The following SEPTIN9 variants were observed in gnomAD, a reference collection of about 807,000 sequenced individuals.
SEPTIN9 encodes the protein septin 9.
A neutral mutation model predicts 56.6 loss-of-function variants in SEPTIN9; 13 were observed. The observed-to-expected ratio is 0.23, with a 90% CI of 0.15 to 0.37. The LOEUF is 0.37. SEPTIN9 is among the 10% of genes least tolerant of loss of function. The pLI is 1.00. For synonymous variants in SEPTIN9, 332 were observed against 334.1 expected (o/e 0.99, Z 0.07); for missense variants, 650 against 823.1 (o/e 0.79, Z 2.57).
Position 77,429,496 on chromosome 17 carries a change from G to A in SEPTIN9, c.721+26793G>A, listed in dbSNP as rs1445272714. ...AGAATCAGAGAGGGCATCCAAAAAG[G>A]CCAACAGTTCGGTGGGGAGAGGAGG... On this transcript the variant is annotated intron_variant, in intron 3 of 11. Transcript: ENST00000427177. The surrounding 1 kb of genome is among the most constrained non-coding windows in gnomAD (Gnocchi z 5.2). The A allele has an allele frequency of 5.4e-6, 2 of 371,682 alleles. No individual in the cohort carries two copies. Among genetic ancestry groups the A allele is most frequent in the African/African-American group, 2.1e-5 (1 of 46,736 alleles). 23.0% of individuals were successfully genotyped at this position (371,682 alleles called of 1,614,324 possible). A position where few individuals can be genotyped will look rare whatever the true frequency, so the allele number is the denominator to read the frequency against.
At chr17:77,297,065 A>G (rs1209499123) in intron 1 of SEPTIN9, among the ~76,000 whole-genome samples, 3 of 152,176 alleles carry the variant, frequency 2.0e-5, no homozygotes, top group Admixed American at 2.0e-4. Context: ...AAGATAGATG[A>G]TAGATAGATA....
chr17:77,383,961 A>C (rs2035238484), intron 2 of SEPTIN9, among the ~76,000 whole-genome samples: 1 of 152,236 alleles, frequency 6.6e-6, no homozygotes, highest in Non-Finnish European at 1.5e-5. Flanking sequence ...TGACTATTGC[A>C]GAATGAACAC....
chr17:77,487,322 C>A lies in SEPTIN9; in HGVS notation c.914-102C>A. On this transcript the variant is annotated intron_variant, in intron 4 of 11. Coordinates refer to ENST00000427177, the MANE Select transcript of SEPTIN9 (RefSeq NM_001113491.2). The surrounding 1 kb of genome is among the most constrained non-coding windows in gnomAD (Gnocchi z 4.3). The stretch of plus-strand genomic sequence containing the variant: ...GGAGGTAGCCCAGGCACTGCTGAAT[C>A]TCAGACTGGAGAGCCTCGTGCCTGG... The A allele has an allele frequency of 7.5e-7, 1 of 1,332,536 alleles. No homozygotes were observed. The highest frequency in any genetic ancestry group is 1.3e-5 in the South Asian group (1 of 78,894). The allele number at this position is 1,332,536 out of a possible 1,614,324, so 82.5% of individuals were successfully genotyped here. A position where few individuals can be genotyped will look rare whatever the true frequency, so the allele number is the denominator to read the frequency against.
intron 2 of SEPTIN9, among the ~76,000 whole-genome samples, chr17:77,378,606 A>G (rs2035019667): frequency 6.6e-6 from 1 of 152,168 alleles, no homozygotes; most frequent in African/African-American, 2.4e-5. Context: ...GTGTGATGCC[A>G]CTGTATGAAT....
chr17:77,375,248 C>T (rs1598273698), intron 2 of SEPTIN9: 1 of 152,428 alleles, frequency 6.6e-6, no homozygotes, highest in Admixed American at 6.5e-5. Context: ...ACGACTTAGC[C>T]GGTCTGACCA....
In SEPTIN9 at chr17:77,445,218, C is replaced by T. The variant is rs1229383455; in HGVS notation, c.722-36926C>T. On this transcript the variant is annotated intron_variant, in intron 3 of 11. Coordinates refer to ENST00000427177, the MANE Select transcript of SEPTIN9 (RefSeq NM_001113491.2). This position sits in a 1 kb window ranked among gnomAD's most constrained non-coding sequence, Gnocchi z 4.7. Reference sequence around the variant, plus strand: ...CTGTGGGTAGAAATGTGGGCTGCCTCGGGGCGTCACAGCTACAAATGCATA... The same window carrying T: ...CTGTGGGTAGAAATGTGGGCTGCCTTGGGGCGTCACAGCTACAAATGCATA... 8.3e-5 allele frequency: 39 copies of T among 470,980 alleles called. No homozygotes were observed. The highest frequency in any genetic ancestry group is 4.4e-4 in the African/African-American group (22 of 50,194). 29.2% of individuals were successfully genotyped at this position (470,980 alleles called of 1,614,324 possible).
intron 2 of SEPTIN9, among the ~76,000 whole-genome samples, chr17:77,383,659 C>T (rs753780324): frequency 1.3e-5 from 2 of 152,260 alleles, no homozygotes; most frequent in African/African-American, 4.8e-5. Context: ...ACCAGAATAA[C>T]AGTGCTACCT....
chr17:77,373,654 G>T, intron 2 of SEPTIN9: 1 of 1,479,274 alleles, frequency 6.8e-7, no homozygotes, highest in Non-Finnish European at 9.0e-7. Flanking sequence ...ACGGGAGTGC[G>T]CTGAGGGGAG....
At chr17:77,408,686 C>CTGGGGGGGGGGGGGGGGGGGGG (rs2036181778) in intron 3 of SEPTIN9, among the ~76,000 whole-genome samples, 1 of 56,606 alleles carries the variant, frequency 1.8e-5, no homozygotes, top group African/African-American at 4.5e-5. Context: ...GTGGGGAGGG[C>CTGGGGGGGGGGGGGGGGGGGGG]GGGCATCAGC....
At chr17:77,423,554 G>A (rs951094573) in intron 3 of SEPTIN9, among the ~76,000 whole-genome samples, 2 of 152,236 alleles carry the variant, frequency 1.3e-5, no homozygotes, top group African/African-American at 4.8e-5. Flanking sequence ...GTTGGGGTGG[G>A]AACGGGAGCT....
chr17:77,290,303 G>A (rs771857300), intron 1 of SEPTIN9, among the ~76,000 whole-genome samples: 16 of 151,064 alleles, frequency 1.1e-4, no homozygotes, highest in Non-Finnish European at 2.1e-4. Flanking sequence ...TGTTGCCCAG[G>A]CTGGAGTGCA....
Position 77,429,260 on chromosome 17 carries a change from T to C in SEPTIN9, c.721+26557T>C, listed in dbSNP as rs1223069267. On this transcript the variant is annotated intron_variant, in intron 3 of 11. Coordinates refer to ENST00000427177, the MANE Select transcript of SEPTIN9 (RefSeq NM_001113491.2). The surrounding 1 kb of genome is among the most constrained non-coding windows in gnomAD (Gnocchi z 5.2). ...AGAAGCTCGTTGACCGTGACCTTGA[T>C]CTGACCGTAATTTTGATGGTGCCGA... The C allele has an allele frequency of 2.1e-6, 1 of 471,304 alleles. No homozygotes were observed. Among genetic ancestry groups the C allele is most frequent in the Non-Finnish European group, 4.4e-6 (1 of 227,192 alleles). 29.2% of individuals were successfully genotyped at this position (471,304 alleles called of 1,614,324 possible). A position where few individuals can be genotyped will look rare whatever the true frequency, so the allele number is the denominator to read the frequency against.
chr17:77,427,477 A>G (rs2036956709), intron 3 of SEPTIN9, among the ~76,000 whole-genome samples: 3 of 152,156 alleles, frequency 2.0e-5, no homozygotes, highest in African/African-American at 7.2e-5. Flanking sequence ...GCCCCACCTC[A>G]CTTCCCCCGT....
chr17:77,385,842 A>T (rs552816966), intron 2 of SEPTIN9, among the ~76,000 whole-genome samples: 2 of 152,232 alleles, frequency 1.3e-5, no homozygotes, highest in Admixed American at 1.3e-4. Context: ...TCTGCCCAGG[A>T]GGGTGAAGTG....
chr17:77,303,226 G>T (rs2032133718), intron 1 of SEPTIN9, among the ~76,000 whole-genome samples: 1 of 151,460 alleles, frequency 6.6e-6, no homozygotes, highest in Admixed American at 6.6e-5. Flanking sequence ...TTGGCCTCCC[G>T]AGTAGCTGGG....
intron 2 of SEPTIN9, among the ~76,000 whole-genome samples, chr17:77,352,121 C>T (rs746285307): frequency 1.3e-5 from 2 of 152,070 alleles, no homozygotes; most frequent in Admixed American, 6.6e-5. Context: ...AAATCGGCCA[C>T]GTGCGGTGGC....
Position 77,482,687 on chromosome 17 carries a change from G to T in SEPTIN9, c.913+352G>T, listed in dbSNP as rs867121399. 1.4e-4 allele frequency: 84 copies of T among 598,464 alleles called. No individual in the cohort carries two copies. The Middle Eastern group carries it at 1.7e-3, about 12-fold the overall frequency. 37.1% of individuals were successfully genotyped at this position (598,464 alleles called of 1,614,324 possible). A position where few individuals can be genotyped will look rare whatever the true frequency, so the allele number is the denominator to read the frequency against. On this transcript the variant is annotated intron_variant, in intron 4 of 11. Coordinates refer to ENST00000427177, the MANE Select transcript of SEPTIN9 (RefSeq NM_001113491.2). The stretch of plus-strand genomic sequence containing the variant: ...CAGCTGTCCCCTCACTGTTGCTCCA[G>T]CCTGGCCCTCCAGGCTCCCCACCGC...
At chr17:77,469,772 C>G (rs1187004473) in intron 3 of SEPTIN9, 1 of 151,504 alleles carries the variant, frequency 6.6e-6, no homozygotes, top group African/African-American at 2.4e-5. Context: ...TTACCACCCA[C>G]CCACCCATCC....
intron 2 of SEPTIN9, 65 bp from the exon 3 acceptor site, chr17:77,401,994 G>A (rs2035915839): frequency 1.3e-6 from 2 of 1,539,030 alleles, no homozygotes; most frequent in Non-Finnish European, 1.8e-6. Context: ...TCCTTAGCAG[G>A]AAACATGCCG....
Sources: allele counts gnomAD v4.1 joint callset (sites outside exome capture counted in the v4.1 genomes callset), GRCh38; gene constraint gnomAD v4.1.1; non-coding constraint Gnocchi (gnomAD v3.1); transcripts MANE v1.5; gene names NCBI Gene and HGNC (gene_info 2026-07-23, HGNC 2026-07-21).